ZNF106: variants seen among roughly 807,000 people sequenced by gnomAD.
The protein encoded by ZNF106 is SH3-domain binding protein 3.
A neutral mutation model predicts 195.1 loss-of-function variants in ZNF106; 67 were observed. The ratio of observed to expected loss-of-function variants is 0.34; its 90% CI spans 0.28 to 0.42. The LOEUF (loss-of-function observed/expected upper bound fraction) is 0.42. Among genes scored for constraint, ZNF106 ranks in the 10% least tolerant of loss-of-function variants. The probability of loss-of-function intolerance (pLI) is 1.00; values close to 1 mark genes in which losing one functional copy is unlikely to be tolerated. For missense variants in ZNF106, 2,118 were observed against 2,304.5 expected, an observed-to-expected ratio of 0.92 and a Z score of 1.66; for synonymous variants, 784 against 818.6, an observed-to-expected ratio of 0.96 and a Z score of 0.72.
In ZNF106 at chr15:42,442,406, C is replaced by T. The variant is rs2055580977; in HGVS notation, c.3430G>A (p.Glu1144Lys). 1 of 1,605,092 alleles carries T rather than the reference C, an allele frequency of 6.2e-7. No homozygotes were observed. ...QILQGLQETY[E>K]PSEHPDQVPC... ...ACCTGGTCTGGGTGCTCAGAAGGTT[C>T]ATATGTTTCTAGAATGGGAAACATA... Residue 1144 changes from glutamate to lysine, a missense_variant, in exon 10 of 22, where the codon GAA becomes AAA. Glu to Lys is a moderately conservative substitution (Grantham distance 56). Transcript: ENST00000564754.
At chr15:42,486,287 G>T (rs2057015180) in intron 1 of ZNF106, among the ~76,000 whole-genome samples, 1 of 151,202 alleles carries the variant, frequency 6.6e-6, no homozygotes, top group South Asian at 2.1e-4. Flanking sequence ...AGAGACAGGG[G>T]TTTGTTCTAT....
At chr15:42,430,208 A>G (rs574574973) in intron 14 of ZNF106, among the ~76,000 whole-genome samples, 2 of 152,194 alleles carry the variant, frequency 1.3e-5, no homozygotes, top group East Asian at 3.9e-4. Flanking sequence ...AGAACCCTTA[A>G]TACTGAAAAG....
chr15:42,417,358 A>C lies in ZNF106; in HGVS notation c.5667T>G (p.Asp1889Glu), dbSNP rs1394530615. The C allele has an allele frequency of 1.2e-6, 2 of 1,613,866 alleles. No individual in the cohort carries two copies. Among genetic ancestry groups the C allele is most frequent in the Admixed American group, 3.3e-5 (2 of 59,982 alleles). ...CATGTCGTTCAATATGTCCTGCAGC[A>C]TCCTAGGAATGAAGGGAAAAGGGCC... ...FFTARKGSKQ[D>E]AAGHIERHAE... Residue 1889 changes from aspartate (D) to glutamate (E), a missense_variant and splice_region_variant, in exon 22 of 22, where the codon GAT (aspartate) becomes GAG (glutamate). Transcript: ENST00000564754.
At chr15:42,435,116 T>C (rs1349311408) in intron 14 of ZNF106, among the ~76,000 whole-genome samples, 1 of 152,162 alleles carries the variant, frequency 6.6e-6, no homozygotes, top group Non-Finnish European at 1.5e-5. Context: ...TTTTGACATA[T>C]GATATGCATA....
chr15:42,449,692 T>A, intron 5 of ZNF106, 79 bp downstream of exon 5: 1 of 1,507,576 alleles, frequency 6.6e-7, no homozygotes, highest in Non-Finnish European at 8.9e-7. Flanking sequence ...ATGAAACACG[T>A]AGAATTCTCT....
At chr15:42,446,763 T>A in intron 6 of ZNF106, 105 bp from the exon 7 acceptor site, 1 of 971,310 alleles carries the variant, frequency 1.0e-6, no homozygotes, top group Non-Finnish European at 1.5e-6. Context: ...TTCTTCACTA[T>A]TGCTACCATC....
intron 4 of ZNF106, among the ~76,000 whole-genome samples, chr15:42,454,621 T>C (rs2141371249): frequency 6.6e-6 from 1 of 152,030 alleles, no homozygotes; most frequent in South Asian, 2.1e-4. Context: ...TGGTGGCTCA[T>C]GCCTGTAATC....
At chr15:42,453,930 A>G (rs369412652) in intron 4 of ZNF106, among the ~76,000 whole-genome samples, 2 of 152,188 alleles carry the variant, frequency 1.3e-5, no homozygotes, top group South Asian at 2.1e-4. Context: ...CAGTAGAGAG[A>G]ATACATAACT....
rs2054390074 is a variant in ZNF106 at position 42,414,779 on chromosome 15, G to A, written c.*2525C>T. The A allele has an allele frequency of 6.6e-6, 1 of 152,254 alleles. No homozygotes were observed. Among genetic ancestry groups the A allele is most frequent in the Non-Finnish European group, 1.5e-5 (1 of 68,060 alleles). The allele number at this position is 152,254 out of a possible 1,614,324, so 9.4% of individuals were successfully genotyped here. ...GCACACTGCCAGCCAGCGTGAAAATGCGGCTTCACTACAGCCCAGAGAAAA... is the reference window on the plus strand; with the variant it reads ...GCACACTGCCAGCCAGCGTGAAAATACGGCTTCACTACAGCCCAGAGAAAA... On this transcript the variant is annotated 3_prime_UTR_variant, in exon 22 of 22. Coordinates refer to ENST00000564754, the MANE Select transcript of ZNF106 (RefSeq NM_001366845.3).
At chr15:42,425,079 T>A in intron 15 of ZNF106, 54 bp from the exon 16 acceptor site, 2 of 1,551,678 alleles carry the variant, frequency 1.3e-6, no homozygotes, top group Non-Finnish European at 1.8e-6. Context: ...AAAATTCAAC[T>A]AACCAACATC....
At chr15:42,474,485 A>C (rs769372338) in intron 1 of ZNF106, among the ~76,000 whole-genome samples, 3 of 152,202 alleles carry the variant, frequency 2.0e-5, no homozygotes, top group Non-Finnish European at 2.9e-5. Context: ...GAGGCCAGGC[A>C]CAGTGGCTCA....
At chr15:42,435,268 A>G (rs2055229797) in intron 14 of ZNF106, 116 bp downstream of exon 14, 2 of 1,404,632 alleles carry the variant, frequency 1.4e-6, no homozygotes, top group East Asian at 4.6e-5. Flanking sequence ...CATTGTTTAG[A>G]AGCAAAAAGG....
At position 42,439,572 on chromosome 15, in the gene ZNF106, T is replaced by C; in HGVS notation, c.4005A>G (p.Leu1335=). Residue 1335 remains leucine, a synonymous_variant, in exon 11 of 22, where the codon CTA becomes CTG. Coordinates refer to ENST00000564754, the MANE Select transcript of ZNF106 (RefSeq NM_001366845.3). ...SGSEACTSSF[L]RLSFASETPL... ...GGGTTTCTGAAGCAAAAGACAATCT[T>C]AGAAAAGAACTGGTACAGGCTTCAG... 6.2e-7 allele frequency: 1 copy of C among 1,614,198 alleles called. No homozygotes were observed. The highest frequency in any genetic ancestry group is 8.5e-7 in the Non-Finnish European group (1 of 1,180,042).
Position 42,416,781 on chromosome 15 carries a change from G to A in ZNF106, c.*523C>T, listed in dbSNP as rs2054474140. On this transcript the variant is annotated 3_prime_UTR_variant, in exon 22 of 22. Transcript: ENST00000564754. ...AAGCAAGAAAACAGTGACACACACT[G>A]CACATAATTGTTAAGAAAGAAAACT... 1 of 152,500 alleles carries A rather than the reference G, an allele frequency of 6.6e-6. No homozygotes were observed. The highest frequency in any genetic ancestry group is 1.5e-5 in the Non-Finnish European group (1 of 68,308). 9.4% of individuals were successfully genotyped at this position (152,500 alleles called of 1,614,324 possible). A position where few individuals can be genotyped will look rare whatever the true frequency, so the allele number is the denominator to read the frequency against.
chr15:42,458,092 T>C (rs1029081893), intron 3 of ZNF106, among the ~76,000 whole-genome samples: 3 of 152,096 alleles, frequency 2.0e-5, no homozygotes, highest in South Asian at 2.1e-4. Context: ...CTGAACACCA[T>C]AGTTACAAGA....
At chr15:42,461,574 C>T (rs2056392211) in intron 3 of ZNF106, among the ~76,000 whole-genome samples, 1 of 152,202 alleles carries the variant, frequency 6.6e-6, no homozygotes, top group Non-Finnish European at 1.5e-5. Flanking sequence ...TTACGGCCCA[C>T]ACATCTGAAG....
Position 42,415,615 on chromosome 15 carries a change from C to G in ZNF106, c.*1689G>C. ...GAAGACATGTGAGTGGATATATGTGCACTAACAGGGGCGAAGACAGACCTG... is the reference window on the plus strand; with the variant it reads ...GAAGACATGTGAGTGGATATATGTGGACTAACAGGGGCGAAGACAGACCTG... On this transcript the variant is annotated 3_prime_UTR_variant, in exon 22 of 22. Coordinates refer to ENST00000564754, the MANE Select transcript of ZNF106 (RefSeq NM_001366845.3). The G allele has an allele frequency of 2.7e-6, 1 of 368,848 alleles. No homozygotes were observed. 22.8% of individuals were successfully genotyped at this position (368,848 alleles called of 1,614,324 possible).
chr15:42,419,063 C>CAAAA lies in ZNF106; in HGVS notation c.5518-1116_5518-1113dup, dbSNP rs367772491. On this transcript the variant is annotated intron_variant, in intron 20 of 21. Coordinates refer to ENST00000564754, the MANE Select transcript of ZNF106 (RefSeq NM_001366845.3). ...CAACATAGTGAGACCCTTTCTCTAC[C>CAAAA]AAAAAAAAAAAAAAAAAAATACAGG... Among the ~76,000 whole-genome samples the CAAAA allele has an allele frequency of 2.3e-4, 24 of 105,784 alleles. 1 individual carries two copies. Among genetic ancestry groups the CAAAA allele is most frequent in the African/African-American group, 8.5e-4 (24 of 28,238 alleles). 69.4% of individuals were successfully genotyped at this position (105,784 alleles called of 152,430 possible).
At chr15:42,463,069 G>C (rs543301913) in intron 3 of ZNF106, among the ~76,000 whole-genome samples, 1 of 152,164 alleles carries the variant, frequency 6.6e-6, no homozygotes, top group South Asian at 2.1e-4. Context: ...AAAGTGCTGG[G>C]ATTATAGGCA....
Sources: allele counts gnomAD v4.1 joint callset (sites outside exome capture counted in the v4.1 genomes callset), GRCh38; gene constraint gnomAD v4.1.1; transcripts MANE v1.5; gene names NCBI Gene and HGNC (gene_info 2026-07-23, HGNC 2026-07-21).